The following TBCE variants were observed in gnomAD, a reference collection of about 807,000 sequenced individuals.
The protein encoded by TBCE is tubulin-specific chaperone E.
In TBCE, 53 loss-of-function variants were observed where a neutral mutation model predicts 77.0. That is an observed-to-expected ratio of 0.69 (90% CI 0.55 to 0.87). The LOEUF is 0.87. Ranked by LOEUF, TBCE falls within the 40% of genes least tolerant of loss-of-function variation. The pLI, the probability that TBCE is intolerant of heterozygous loss-of-function variation, is 0.00. For missense variants in TBCE, 624 were observed against 622.4 expected (o/e 1.00, Z -0.03); for synonymous variants, 235 against 241.3 (o/e 0.97, Z 0.24).
intron 4 of TBCE, among the ~76,000 whole-genome samples, chr1:235,417,386 C>T (rs1021783161): frequency 1.3e-5 from 2 of 152,210 alleles, no homozygotes; most frequent in Admixed American, 6.5e-5. Flanking sequence ...ACAAAGCTGG[C>T]TTTTGGGCAA....
intron 13 of TBCE, among the ~76,000 whole-genome samples, chr1:235,440,494 G>A (rs1382815286): frequency 6.6e-6 from 1 of 152,098 alleles, no homozygotes; most frequent in Non-Finnish European, 1.5e-5. Context: ...CTGGGTTCAA[G>A]TGATTCTCCT....
At chr1:235,370,933 G>A (rs1354963665) in intron 1 of TBCE, among the ~76,000 whole-genome samples, 6 of 147,800 alleles carry the variant, frequency 4.1e-5, no homozygotes, top group African/African-American at 1.5e-4. Context: ...GTAGAAATGG[G>A]GTTTCACCAT....
intron 3 of TBCE, among the ~76,000 whole-genome samples, chr1:235,407,878 GT>G (rs34485501): frequency 4.7e-5 from 7 of 150,074 alleles, no homozygotes; most frequent in South Asian, 4.2e-4. Context: ...GTGGTTTTCA[GT>G]TTTTTTTTTC....
chr1:235,395,641 T>C (rs1357489246), intron 2 of TBCE, among the ~76,000 whole-genome samples: 3 of 151,408 alleles, frequency 2.0e-5, no homozygotes, highest in African/African-American at 7.3e-5. Context: ...GCCTCCTGGG[T>C]TCAAGCAATT....
intron 15 of TBCE, among the ~76,000 whole-genome samples, chr1:235,444,032 A>G (rs1682075683): frequency 6.6e-6 from 1 of 152,240 alleles, no homozygotes. Flanking sequence ...AATAAATGAA[A>G]TACACATCAG....
chr1:235,378,088 T>C (rs1057398166), intron 1 of TBCE, among the ~76,000 whole-genome samples: 2 of 152,224 alleles, frequency 1.3e-5, no homozygotes, highest in African/African-American at 2.4e-5. Context: ...TGTAACAGCA[T>C]ATGTTTTTTC....
intron 7 of TBCE, 53 bp downstream of exon 7, chr1:235,430,857 G>T: frequency 6.9e-7 from 1 of 1,457,124 alleles, no homozygotes; most frequent in Non-Finnish European, 9.6e-7. Context: ...AAAAATGTTT[G>T]GTTTAATAGA....
rs143917509 is a variant in TBCE, at chr1:235,448,414, C to A, written c.1465C>A (p.Leu489Ile). ...SRLLKVPVSDLLLSYESPKKP... is the reference protein window; with the variant it reads ...SRLLKVPVSDILLSYESPKKP... ...TCTTCTCAAAGTTCCTGTGTCAGAC[C>A]TTCTGTTGTCCTATGAAAGTCCCAA... The change falls in exon 16 of 17, where the codon CTT (leucine) becomes ATT (isoleucine). Residue 489 changes from leucine (L) to isoleucine (I), a missense_variant. Physicochemically the swap from Leu to Ile is conservative, Grantham distance 5. Coordinates refer to ENST00000642610, the MANE Select transcript of TBCE (RefSeq NM_003193.5). 1,083 of 1,614,032 alleles carry A rather than the reference C, an allele frequency of 6.7e-4. 3 individuals carry two copies. The highest frequency in any genetic ancestry group is 1.2e-3 in the Admixed American group (74 of 60,008).
At chr1:235,441,958 A>G (rs1681906058) in intron 14 of TBCE, 76 bp downstream of exon 14, 1 of 1,332,640 alleles carries the variant, frequency 7.5e-7, no homozygotes, top group Non-Finnish European at 1.1e-6. Context: ...GTTTCTCTTA[A>G]GTGTGTACCT....
intron 5 of TBCE, among the ~76,000 whole-genome samples, chr1:235,426,787 G>A (rs1680736908): frequency 6.6e-6 from 1 of 152,220 alleles, no homozygotes; most frequent in South Asian, 2.1e-4. Context: ...CTGGAATTAC[G>A]AGCGCGTGCC....
chr1:235,421,998 T>C (rs2102896564), intron 5 of TBCE, among the ~76,000 whole-genome samples: 1 of 152,304 alleles, frequency 6.6e-6, no homozygotes, highest in African/African-American at 2.4e-5. Context: ...GGACCTGTGG[T>C]AGCTGCACAG....
intron 15 of TBCE, among the ~76,000 whole-genome samples, chr1:235,445,653 A>G (rs1335545113): frequency 6.6e-6 from 1 of 152,006 alleles, no homozygotes; most frequent in Non-Finnish European, 1.5e-5. Context: ...AACAAAACAA[A>G]ACAAAACTGC....
At chr1:235,374,991 G>C (rs1208779463) in intron 1 of TBCE, among the ~76,000 whole-genome samples, 1 of 137,544 alleles carries the variant, frequency 7.3e-6, no homozygotes, top group Non-Finnish European at 1.6e-5. Flanking sequence ...TGCGATCTCG[G>C]CTCACTGCAA....
intron 1 of TBCE, among the ~76,000 whole-genome samples, chr1:235,376,427 T>C (rs1050745139): frequency 6.6e-6 from 1 of 152,180 alleles, no homozygotes; most frequent in Non-Finnish European, 1.5e-5. Flanking sequence ...AGACTGATTA[T>C]GGGGCCTTGT....
At chr1:235,413,875 G>C (rs771968384) in intron 3 of TBCE, 1 of 78,150 alleles carries the variant, frequency 1.3e-5, no homozygotes, top group Non-Finnish European at 2.3e-5. Context: ...TTTTTTTTTA[G>C]ATGGAGTCTT....
intron 2 of TBCE, among the ~76,000 whole-genome samples, chr1:235,396,373 T>C (rs1451557309): frequency 6.6e-6 from 1 of 152,192 alleles, no homozygotes; most frequent in African/African-American, 2.4e-5. Flanking sequence ...GTGTTTATTT[T>C]CTTTATCCAT....
chr1:235,420,883 C>T (rs1680364474), intron 5 of TBCE, among the ~76,000 whole-genome samples: 1 of 152,196 alleles, frequency 6.6e-6, no homozygotes, highest in Admixed American at 6.5e-5. Flanking sequence ...GCCTCGGCCT[C>T]CCAAAGTGCT....
At position 235,407,182 on chromosome 1, in the gene TBCE, G is replaced by GT. The variant is rs1389719646; in HGVS notation, c.185+5596dup. 1.3e-4 allele frequency among the ~76,000 whole-genome samples: 19 copies of GT among 146,360 alleles called. No homozygotes were observed. In the Admixed American group the frequency reaches 1.3e-3, roughly 10 times the overall value. On this transcript the variant is annotated intron_variant, in intron 3 of 16. Coordinates refer to ENST00000642610, the MANE Select transcript of TBCE (RefSeq NM_003193.5). ...AGGGTCTTGCTCTGTCACCCAGGTA[G>GT]TAGTACAGTGGCACAATCATGGCTC...
chr1:235,424,427 G>GC (rs11429402), intron 5 of TBCE, among the ~76,000 whole-genome samples: 109,573 of 150,352 alleles, frequency 0.73, 41,170 homozygotes, highest in African/African-American at 0.92. Flanking sequence ...CCAGGTTCAA[G>GC]GATTCTTCTG....
Sources: allele counts gnomAD v4.1 joint callset (sites outside exome capture counted in the v4.1 genomes callset), GRCh38; gene constraint gnomAD v4.1.1; transcripts MANE v1.5; gene names NCBI Gene and HGNC (gene_info 2026-07-23, HGNC 2026-07-21).